The following KIRREL3 variants were observed in gnomAD, a reference collection of about 807,000 sequenced individuals.
The protein encoded by KIRREL3 is kin of IRRE-like protein 3.
KIRREL3 carries 36 observed loss-of-function variants against 89.7 expected under a neutral mutation model. That is an observed-to-expected ratio of 0.40 (90% CI 0.31 to 0.53). KIRREL3 has a LOEUF of 0.53. Ranked by LOEUF, KIRREL3 falls within the 20% of genes least tolerant of loss-of-function variation. KIRREL3 has a pLI of 0.49. For synonymous variants in KIRREL3, 445 were observed against 441.4 expected (o/e 1.01, Z -0.10); for missense variants, 864 against 1,056.6 (o/e 0.82, Z 2.53).
chr11:126,539,653 A>G (rs1205779534), intron 2 of KIRREL3, among the ~76,000 whole-genome samples: 1 of 152,212 alleles, frequency 6.6e-6, no homozygotes, highest in Non-Finnish European at 1.5e-5. Context: ...TTTGCTGCTC[A>G]GGAGGAGAAG....
chr11:126,792,217 C>T (rs1950666593), intron 1 of KIRREL3, among the ~76,000 whole-genome samples: 1 of 152,336 alleles, frequency 6.6e-6, no homozygotes, highest in Admixed American at 6.5e-5. Flanking sequence ...AACCTCAGTG[C>T]TTTCCAATCT....
intron 10 of KIRREL3, chr11:126,440,774 C>T (rs1955533295): frequency 1.7e-6 from 1 of 597,640 alleles, no homozygotes; most frequent in Non-Finnish European, 3.0e-6. Context: ...AAGTCAGAAC[C>T]CCCAGAAGAT....
At position 126,752,799 on chromosome 11, in the gene KIRREL3, G is replaced by A. The variant is rs1342751967; in HGVS notation, c.56-189887C>T. Among the ~76,000 whole-genome samples, 1 of 152,188 alleles carries A rather than the reference G, an allele frequency of 6.6e-6. No homozygotes were observed. The highest frequency in any genetic ancestry group is 2.4e-5 in the African/African-American group (1 of 41,440). On this transcript the variant is annotated intron_variant, in intron 1 of 16. Transcript: ENST00000525144. The surrounding 1 kb of genome is among the most constrained non-coding windows in gnomAD (Gnocchi z 4.8). The stretch of plus-strand genomic sequence containing the variant: ...CAATTGGTTTTGCATGTTTCCTTGG[G>A]AATTTCAGGAGGAAATGGAGCTGGA...
Position 126,953,320 on chromosome 11 carries a change from C to T in KIRREL3, c.55+47135G>A, listed in dbSNP as rs11220672. Among the ~76,000 whole-genome samples, 33,577 of 147,074 alleles carry T rather than the reference C, an allele frequency of 0.23. 3,945 individuals are homozygous for T. Among genetic ancestry groups the T allele is most frequent in the Middle Eastern group, 0.28 (82 of 292 alleles). ...GACACAGGGAGGGGACATCATACAC[C>T]GGGGCTTGTTGTGGGGTGGGGGGCT... On this transcript the variant is annotated intron_variant, in intron 1 of 16. Coordinates refer to ENST00000525144, the MANE Select transcript of KIRREL3 (RefSeq NM_032531.4). The surrounding 1 kb of genome is among the most constrained non-coding windows in gnomAD (Gnocchi z 5.2).
At chr11:126,937,125 C>T (rs1019486889) in intron 1 of KIRREL3, 44 of 152,076 alleles carry the variant, frequency 2.9e-4, no homozygotes, top group African/African-American at 9.4e-4. Flanking sequence ...CAATTGAAGC[C>T]ACCAAGTTCA....
rs757683603 is a variant in KIRREL3 at position 126,449,015 on chromosome 11, C to T, written c.991G>A (p.Val331Ile). ...CCTGCACCACTGCACTCACAGTAGA[C>T]GTCAACCGTGCGGCTGAGGTTGGTG... Reference protein sequence around the residue: ...GSTNLSRTVDVYFGPRMTTEP... With the variant: ...GSTNLSRTVDIYFGPRMTTEP... The change falls in exon 8 of 17, where the codon GTC becomes ATC. Residue 331 changes from valine to isoleucine, a missense_variant. Physicochemically the swap from Val to Ile is conservative, Grantham distance 29 (BLOSUM62 3). Transcript: ENST00000525144. The T allele has an allele frequency of 2.9e-5, 46 of 1,610,276 alleles. No homozygotes were observed. Among genetic ancestry groups the T allele is most frequent in the Non-Finnish European group, 3.4e-5 (40 of 1,177,228 alleles).
rs1019835790 is a variant in KIRREL3 at position 126,432,315 on chromosome 11, G to A, written c.1589-789C>T. Among the ~76,000 whole-genome samples the A allele has an allele frequency of 1.3e-5, 2 of 152,180 alleles. No individual in the cohort carries two copies. Among genetic ancestry groups the A allele is most frequent in the African/African-American group, 2.4e-5 (1 of 41,438 alleles). ...GGCCTGTCTCCTGCCCAAGCCGAGT[G>A]GGGGTAGGGACAGGGAGGGTAAGGA... On this transcript the variant is annotated intron_variant, in intron 13 of 16. Coordinates refer to ENST00000525144, the MANE Select transcript of KIRREL3 (RefSeq NM_032531.4). This position sits in a 1 kb window ranked among gnomAD's most constrained non-coding sequence, Gnocchi z 6.2.
At chr11:126,661,159 T>C (rs924352674) in intron 1 of KIRREL3, among the ~76,000 whole-genome samples, 1 of 152,126 alleles carries the variant, frequency 6.6e-6, no homozygotes, top group Non-Finnish European at 1.5e-5. Context: ...GGTAACCATG[T>C]TTTGGATGGT....
chr11:126,461,606 G>A (rs997811575), intron 6 of KIRREL3, among the ~76,000 whole-genome samples: 1 of 152,194 alleles, frequency 6.6e-6, no homozygotes, highest in Non-Finnish European at 1.5e-5. Context: ...CTTTGTGTGT[G>A]GGTATCTTGA....
chr11:126,469,231 A>C (rs1296741438), intron 5 of KIRREL3, among the ~76,000 whole-genome samples: 1 of 152,242 alleles, frequency 6.6e-6, no homozygotes, highest in African/African-American at 2.4e-5. Context: ...ATAATCATCC[A>C]CCATGTGACA....
rs1042794380 is a variant in KIRREL3 at position 126,453,257 on chromosome 11, T to TG, written c.848+3091dup. Among the ~76,000 whole-genome samples, 26 of 152,050 alleles carry TG rather than the reference T, an allele frequency of 1.7e-4. No homozygotes were observed. The East Asian group carries it at 1.9e-3, about 11-fold the overall frequency. On this transcript the variant is annotated intron_variant, in intron 7 of 16. Coordinates refer to ENST00000525144, the MANE Select transcript of KIRREL3 (RefSeq NM_032531.4). ...AAATAGACCAAGGTTTCATCTCGTG[T>TG]GGGGGGGCCACATCCCGCTATCTGC...
intron 1 of KIRREL3, among the ~76,000 whole-genome samples, chr11:126,855,145 C>A (rs1944467601): frequency 6.6e-6 from 1 of 152,218 alleles, no homozygotes; most frequent in Admixed American, 6.5e-5. Flanking sequence ...GCCCCTCCTG[C>A]AACCTTATTG....
rs1954989324 is a variant in KIRREL3 at position 126,427,532 on chromosome 11, G to GT, written c.1806+1646dup. 6.6e-6 allele frequency among the ~76,000 whole-genome samples: 1 copy of GT among 152,222 alleles called. No homozygotes were observed. The highest frequency in any genetic ancestry group is 6.5e-5 in the Admixed American group (1 of 15,286). ...AATTAGCAGGCAGAGAGAACAGCCG[G>GT]TGCACAGGCCTTTGAAGTCCAAAAG... On this transcript the variant is annotated intron_variant, in intron 15 of 16. Transcript: ENST00000525144. The surrounding 1 kb of genome is among the most constrained non-coding windows in gnomAD (Gnocchi z 5.3).
intron 1 of KIRREL3, among the ~76,000 whole-genome samples, chr11:126,975,396 TTC>T (rs1326176322): frequency 1.3e-5 from 2 of 152,170 alleles, no homozygotes; most frequent in Admixed American, 1.3e-4. Flanking sequence ...TCTTGCAAGG[TTC>T]TTTCTCCTAC....
intron 1 of KIRREL3, among the ~76,000 whole-genome samples, chr11:126,737,302 A>G (rs1156836625): frequency 6.6e-6 from 1 of 151,990 alleles, no homozygotes; most frequent in Admixed American, 6.5e-5. Flanking sequence ...TTCAGGGCAG[A>G]GAGGGTGCTG....
chr11:126,667,214 C>T lies in KIRREL3; in HGVS notation c.56-104302G>A, dbSNP rs370896243. ...AGAATGTGCCACTAATGAATTCAAT[C>T]GCAGCAAAAGTCCATTTCCATTCCC... On this transcript the variant is annotated intron_variant, in intron 1 of 16. Coordinates refer to ENST00000525144, the MANE Select transcript of KIRREL3 (RefSeq NM_032531.4). Among the ~76,000 whole-genome samples, 17 of 152,198 alleles carry T rather than the reference C, an allele frequency of 1.1e-4. 1 individual carries two copies. The highest frequency in any genetic ancestry group is 3.3e-4 in the Admixed American group (5 of 15,276).
chr11:126,934,792 G>T (rs1282285699), intron 1 of KIRREL3: 1 of 152,132 alleles, frequency 6.6e-6, no homozygotes, highest in Non-Finnish European at 1.5e-5. Flanking sequence ...CAGGCGCGGA[G>T]ACTCATGCCT....
rs1256494445 is a variant in KIRREL3, at chr11:126,455,996, A to T, written c.848+353T>A. 1.5e-5 allele frequency among the ~76,000 whole-genome samples: 2 copies of T among 136,332 alleles called. No individual in the cohort carries two copies. Among genetic ancestry groups the T allele is most frequent in the South Asian group, 2.3e-4 (1 of 4,334 alleles). 89.4% of individuals were successfully genotyped at this position (136,332 alleles called of 152,430 possible). A position where few individuals can be genotyped will look rare whatever the true frequency, so the allele number is the denominator to read the frequency against. On this transcript the variant is annotated intron_variant, in intron 7 of 16. Transcript: ENST00000525144. The surrounding 1 kb of genome is among the most constrained non-coding windows in gnomAD (Gnocchi z 6.4). ...GCACAAGACTAGAATGGAGGTTCTG[A>T]TCTTGCTGCTTCTCCTGGTTGTTCT...
chr11:126,522,428 C>T lies in KIRREL3; in HGVS notation c.284-964G>A, dbSNP rs1368327517. Among the ~76,000 whole-genome samples, 2 of 152,214 alleles carry T rather than the reference C, an allele frequency of 1.3e-5. No homozygotes were observed. Among genetic ancestry groups the T allele is most frequent in the African/African-American group, 4.8e-5 (2 of 41,458 alleles). Reference sequence around the variant, plus strand: ...AGGAACCTTGGGTCACTTTGAGTCACAGTGGACCCTGTCTAGTCATTCCTC... The same window carrying T: ...AGGAACCTTGGGTCACTTTGAGTCATAGTGGACCCTGTCTAGTCATTCCTC... On this transcript the variant is annotated intron_variant, in intron 3 of 16. Coordinates refer to ENST00000525144, the MANE Select transcript of KIRREL3 (RefSeq NM_032531.4). This position sits in a 1 kb window ranked among gnomAD's most constrained non-coding sequence, Gnocchi z 6.0.
Sources: gnomAD v4.1 joint callset for allele counts (sites outside exome capture counted in the v4.1 genomes callset) on GRCh38, gnomAD v4.1.1 for gene constraint, Gnocchi (gnomAD v3.1) non-coding constraint, MANE v1.5 for transcripts, NCBI Gene and HGNC (gene_info 2026-07-23, HGNC 2026-07-21) for gene names.